SLC25A25: variants seen among roughly 807,000 people sequenced by gnomAD.
SLC25A25 encodes solute carrier family 25 member 25.
A neutral mutation model predicts 57.7 loss-of-function variants in SLC25A25; 32 were observed. That is an observed-to-expected ratio of 0.55 (90% CI 0.42 to 0.74). The LOEUF (loss-of-function observed/expected upper bound fraction) is 0.74. Among genes scored for constraint, SLC25A25 ranks in the 30% least tolerant of loss-of-function variants. The pLI is 0.00. For synonymous variants in SLC25A25, 306 were observed against 291.2 expected (o/e 1.05, Z -0.52); for missense variants, 556 against 701.3 (o/e 0.79, Z 2.34).
chr9:128,099,021 AG>A lies in SLC25A25; in HGVS notation c.262-2074del. On this transcript the variant is annotated intron_variant, in intron 1 of 10. Coordinates refer to ENST00000373069, the MANE Select transcript of SLC25A25 (RefSeq NM_001330988.2). This position sits in a 1 kb window ranked among gnomAD's most constrained non-coding sequence, Gnocchi z 6.8. The stretch of plus-strand genomic sequence containing the variant: ...GGGTGTTCCTGAGAAGTACAGAGCC[AG>A]AAAGGGACCTGGGGGGCAGGCCAGT... The A allele has an allele frequency of 4.1e-6, 4 of 985,446 alleles. No individual in the cohort carries two copies. Among genetic ancestry groups the A allele is most frequent in the Non-Finnish European group, 4.8e-6 (4 of 829,930 alleles). The allele number at this position is 985,446 out of a possible 1,614,324, so 61.0% of individuals were successfully genotyped here. A position where few individuals can be genotyped will look rare whatever the true frequency, so the allele number is the denominator to read the frequency against.
intron 1 of SLC25A25, among the ~76,000 whole-genome samples, chr9:128,072,569 CTTTG>C (rs1381404553): frequency 6.6e-6 from 1 of 152,168 alleles, no homozygotes; most frequent in Non-Finnish European, 1.5e-5. Flanking sequence ...TGCCATCTGC[CTTTG>C]TTTGAGAAGA....
chr9:128,071,957 C>G (rs1030945994), intron 1 of SLC25A25, among the ~76,000 whole-genome samples: 13 of 152,180 alleles, frequency 8.5e-5, no homozygotes, highest in Non-Finnish European at 1.6e-4. Flanking sequence ...AAGTGATCTA[C>G]CCACCTCGGC....
At chr9:128,098,067 A>G (rs1009648941) in intron 1 of SLC25A25, among the ~76,000 whole-genome samples, 4 of 152,354 alleles carry the variant, frequency 2.6e-5, no homozygotes, top group South Asian at 2.1e-4. Context: ...TGCAGTGGCA[A>G]TCAGCTCTGT....
At chr9:128,068,631 C>T (rs1041325965) in intron 1 of SLC25A25, 51 bp downstream of exon 1, 12 of 1,378,084 alleles carry the variant, frequency 8.7e-6, no homozygotes, top group Non-Finnish European at 1.1e-5. Context: ...CCTCGAGGGC[C>T]GGGTGACAGG....
chr9:128,098,950 G>A lies in SLC25A25; in HGVS notation c.262-2146G>A, dbSNP rs528891555. On this transcript the variant is annotated intron_variant, in intron 1 of 10. Coordinates refer to ENST00000373069, the MANE Select transcript of SLC25A25 (RefSeq NM_001330988.2). ...CTGGAATTCCAGCGAAGGCTGTTGT[G>A]AGAAATGGACTTTCAGAAAGGAAAT... 11 of 985,456 alleles carry A rather than the reference G, an allele frequency of 1.1e-5. No homozygotes were observed. The East Asian group carries it at 1.1e-3, about 102-fold the overall frequency. The allele number at this position is 985,456 out of a possible 1,614,324, so 61.0% of individuals were successfully genotyped here.
chr9:128,075,996 G>A (rs1179384357), intron 1 of SLC25A25, among the ~76,000 whole-genome samples: 6 of 152,032 alleles, frequency 3.9e-5, no homozygotes, highest in South Asian at 2.1e-4. Flanking sequence ...CTCTTATCTC[G>A]GCTTCCCAAA....
chr9:128,081,139 A>G (rs1361539514), intron 1 of SLC25A25, among the ~76,000 whole-genome samples: 3 of 152,202 alleles, frequency 2.0e-5, no homozygotes, highest in African/African-American at 7.2e-5. Flanking sequence ...GGCTTGGTTT[A>G]AACCAGCTAT....
intron 1 of SLC25A25, among the ~76,000 whole-genome samples, chr9:128,092,314 G>T (rs907661611): frequency 2.6e-5 from 4 of 152,208 alleles, no homozygotes; most frequent in African/African-American, 7.2e-5. Flanking sequence ...GGCTGTTGAG[G>T]GAAGGAAGGT....
At position 128,107,468 on chromosome 9, in the gene SLC25A25, G is replaced by A. The variant is rs1834100757; in HGVS notation, c.*24G>A. 1 of 1,504,702 alleles carries A rather than the reference G, an allele frequency of 6.6e-7. No homozygotes were observed. The highest frequency in any genetic ancestry group is 1.4e-5 in the African/African-American group (1 of 71,600). 93.2% of individuals were successfully genotyped at this position (1,504,702 alleles called of 1,614,324 possible). A position where few individuals can be genotyped will look rare whatever the true frequency, so the allele number is the denominator to read the frequency against. Reference sequence around the variant, plus strand: ...GACGGGGGGAGGGCCGCCCGGCAGTGGACTCGCTGATCCTGGGCCGCAGCC... The same window carrying A: ...GACGGGGGGAGGGCCGCCCGGCAGTAGACTCGCTGATCCTGGGCCGCAGCC... On this transcript the variant is annotated 3_prime_UTR_variant, in exon 11 of 11. Coordinates refer to ENST00000373069, the MANE Select transcript of SLC25A25 (RefSeq NM_001330988.2).
chr9:128,102,252 G>A lies in SLC25A25; in HGVS notation c.513-118G>A, dbSNP rs1401987757. The A allele has an allele frequency of 2.9e-6, 4 of 1,400,190 alleles. No homozygotes were observed. The highest frequency in any genetic ancestry group is 3.0e-6 in the Non-Finnish European group (3 of 1,008,768). The allele number at this position is 1,400,190 out of a possible 1,614,324, so 86.7% of individuals were successfully genotyped here. A position where few individuals can be genotyped will look rare whatever the true frequency, so the allele number is the denominator to read the frequency against. ...CCCTGCTCTTTCTCCTGGGGGCAGAGGCACCTCGTGTGGTTTCTGGGCATC... is the reference window on the plus strand; with the variant it reads ...CCCTGCTCTTTCTCCTGGGGGCAGAAGCACCTCGTGTGGTTTCTGGGCATC... On this transcript the variant is annotated intron_variant, in intron 4 of 10. Transcript: ENST00000373069. This position sits in a 1 kb window ranked among gnomAD's most constrained non-coding sequence, Gnocchi z 4.1.
intron 1 of SLC25A25, among the ~76,000 whole-genome samples, chr9:128,097,613 G>C (rs1448850993): frequency 6.6e-6 from 1 of 152,292 alleles, no homozygotes; most frequent in South Asian, 2.1e-4. Context: ...CATTTAAAAA[G>C]CTTCTGTATT....
At chr9:128,098,357 C>A in intron 1 of SLC25A25, 1 of 921,124 alleles carries the variant, frequency 1.1e-6, no homozygotes, top group Non-Finnish European at 1.5e-6. Context: ...CTGATGCCAC[C>A]TTCTCCCCCG....
At chr9:128,091,807 G>A in intron 1 of SLC25A25, 1 of 1,534,788 alleles carries the variant, frequency 6.5e-7, no homozygotes, top group Non-Finnish European at 8.8e-7. Flanking sequence ...AGAGAGCGTT[G>A]GTACTGTGGT....
intron 1 of SLC25A25, among the ~76,000 whole-genome samples, chr9:128,079,767 C>A (rs530863296): frequency 2.0e-5 from 3 of 149,520 alleles, no homozygotes; most frequent in South Asian, 2.1e-4. Flanking sequence ...CCGAGGCGGG[C>A]GGATCACGAG....
chr9:128,082,426 C>G (rs1248322052), intron 1 of SLC25A25, among the ~76,000 whole-genome samples: 1 of 152,080 alleles, frequency 6.6e-6, no homozygotes, highest in Non-Finnish European at 1.5e-5. Flanking sequence ...TCCAGCCGCC[C>G]AGCGCAGGCA....
chr9:128,091,873 G>A (rs1246590929), intron 1 of SLC25A25: 1 of 1,608,192 alleles, frequency 6.2e-7, no homozygotes, highest in Admixed American at 1.7e-5. Context: ...AGACCGTGAT[G>A]TTGCAGATGC....
intron 1 of SLC25A25, among the ~76,000 whole-genome samples, chr9:128,070,718 A>C (rs61572685): frequency 0.68 from 101,731 of 150,514 alleles, 37,131 homozygotes; most frequent in East Asian, 0.81. Flanking sequence ...TTGGGAGGCC[A>C]AGCCGGGTGG....
Position 128,103,840 on chromosome 9 carries a change from G to A in SLC25A25, c.783+1G>A. 1.9e-6 allele frequency: 3 copies of A among 1,571,804 alleles called. No individual in the cohort carries two copies. The highest frequency in any genetic ancestry group is 2.6e-6 in the Non-Finnish European group (3 of 1,158,340). On this transcript the variant is annotated splice_donor_variant, in intron 6 of 10. Coordinates refer to ENST00000373069, the MANE Select transcript of SLC25A25 (RefSeq NM_001330988.2). LOFTEE classifies it high-confidence loss of function. The surrounding 1 kb of genome is among the most constrained non-coding windows in gnomAD (Gnocchi z 6.7). ...GGACAGGCTCAAGGTGCTCATGCAG[G>A]TATGTAGGGAAAAGGCCCCAGACCC...
chr9:128,090,358 G>A (rs7875121), intron 1 of SLC25A25, among the ~76,000 whole-genome samples: 112,671 of 151,662 alleles, frequency 0.74, 43,656 homozygotes, highest in Non-Finnish European at 0.85. Flanking sequence ...GATTACAGGC[G>A]CCTGCCACCA....
Sources: allele counts gnomAD v4.1 joint callset (sites outside exome capture counted in the v4.1 genomes callset), GRCh38; gene constraint gnomAD v4.1.1; non-coding constraint Gnocchi (gnomAD v3.1); transcripts MANE v1.5; gene names NCBI Gene and HGNC (gene_info 2026-07-23, HGNC 2026-07-21).